Variants in FNDC1 observed in about 807,000 individuals in gnomAD.
The protein encoded by FNDC1 is fibronectin type III domain-containing protein 1.
A neutral mutation model predicts 168.0 loss-of-function variants in FNDC1; 96 were observed. The ratio of observed to expected loss-of-function variants is 0.57; its 90% CI spans 0.48 to 0.68. The LOEUF (loss-of-function observed/expected upper bound fraction) is 0.68. FNDC1 is among the 30% of genes least tolerant of loss of function. The pLI, the probability that FNDC1 is intolerant of heterozygous loss-of-function variation, is 0.00. For synonymous variants in FNDC1, 1,099 were observed against 1,025.9 expected (o/e 1.07, Z -1.36); for missense variants, 2,587 against 2,482.1 (o/e 1.04, Z -0.90).
At chr6:159,264,051 A>T (rs534134281) in intron 19 of FNDC1, among the ~76,000 whole-genome samples, 3 of 152,366 alleles carry the variant, frequency 2.0e-5, no homozygotes, top group East Asian at 1.9e-4. Flanking sequence ...TTGGGCTAAG[A>T]TAGAGACAGG....
chr6:159,263,765 A>C (rs187515785), intron 19 of FNDC1, among the ~76,000 whole-genome samples: 1 of 152,228 alleles, frequency 6.6e-6, no homozygotes, highest in African/African-American at 2.4e-5. Flanking sequence ...CCATCTAAAA[A>C]TAAAATAAGA....
At chr6:159,206,476 G>A (rs911906150) in intron 4 of FNDC1, among the ~76,000 whole-genome samples, 1 of 152,226 alleles carries the variant, frequency 6.6e-6, no homozygotes, top group African/African-American at 2.4e-5. Flanking sequence ...CACAGTGGGT[G>A]CTCAGGAGAC....
chr6:159,263,196 G>A (rs910881297), intron 19 of FNDC1, among the ~76,000 whole-genome samples: 2 of 152,192 alleles, frequency 1.3e-5, no homozygotes, highest in Non-Finnish European at 2.9e-5. Flanking sequence ...GGGGAGCAAA[G>A]CAAGCATTTG....
chr6:159,266,821 C>T (rs1330794546), intron 21 of FNDC1, among the ~76,000 whole-genome samples: 2 of 151,806 alleles, frequency 1.3e-5, no homozygotes, highest in South Asian at 2.1e-4. Flanking sequence ...GAACATATAT[C>T]AGCAGTAATA....
chr6:159,207,554 A>G (rs1359573203), intron 4 of FNDC1, among the ~76,000 whole-genome samples: 1 of 152,150 alleles, frequency 6.6e-6, no homozygotes, highest in Non-Finnish European at 1.5e-5. Flanking sequence ...GGTCTGTGAT[A>G]CCTCTGAGAG....
intron 1 of FNDC1, among the ~76,000 whole-genome samples, chr6:159,175,864 A>T (rs1258913539): frequency 3.3e-5 from 5 of 152,242 alleles, no homozygotes. Flanking sequence ...GGCTCCCGGA[A>T]GTGCTACCAC....
chr6:159,197,156 C>T (rs1782259978), intron 1 of FNDC1, among the ~76,000 whole-genome samples: 1 of 152,150 alleles, frequency 6.6e-6, no homozygotes, highest in South Asian at 2.1e-4. Flanking sequence ...TGTAATCAAG[C>T]CAGACAATGC....
chr6:159,233,282 C>T lies in FNDC1; in HGVS notation c.2770C>T (p.Pro924Ser), dbSNP rs751930512. Residue 924 changes from proline (P) to serine (S), a missense_variant, in exon 11 of 23, where the codon CCC becomes TCC. By Grantham distance (74) the Pro-to-Ser change is moderately conservative. Coordinates refer to ENST00000297267, the MANE Select transcript of FNDC1 (RefSeq NM_032532.3). The surrounding 1 kb of genome is among the most constrained non-coding windows in gnomAD (Gnocchi z 4.6). Reference sequence around the variant, plus strand: ...AGGGGCCAGCCTGCATCGGAAGGAACCCATCCCAGAGAACCCCAAATCCAC... The same window carrying T: ...AGGGGCCAGCCTGCATCGGAAGGAATCCATCCCAGAGAACCCCAAATCCAC... ...QRGASLHRKE[P>S]IPENPKSTGA... is the part of the protein sequence containing the mutation. 6.2e-7 allele frequency: 1 copy of T among 1,613,954 alleles called. No individual in the cohort carries two copies. The highest frequency in any genetic ancestry group is 8.5e-7 in the Non-Finnish European group (1 of 1,179,870).
intron 1 of FNDC1, among the ~76,000 whole-genome samples, chr6:159,174,250 C>T (rs781220232): frequency 3.9e-5 from 6 of 152,228 alleles, no homozygotes; most frequent in Non-Finnish European, 8.8e-5. Context: ...GTGGTGGATA[C>T]TGTTTCATCC....
intron 22 of FNDC1, among the ~76,000 whole-genome samples, chr6:159,269,511 C>CATCT (rs1554229951): frequency 0.11 from 10,867 of 102,880 alleles, 1,117 homozygotes; most frequent in Middle Eastern, 0.17. Flanking sequence ...TCCATCCATC[C>CATCT]ATGCATCCAT....
Position 159,239,824 on chromosome 6 carries a change from G to A in FNDC1, c.4488G>A (p.Arg1496=), listed in dbSNP as rs1438081984. Residue 1496 remains arginine (R), a synonymous_variant, in exon 14 of 23, where the codon CGG becomes CGA. Transcript: ENST00000297267. The stretch of plus-strand genomic sequence containing the variant: ...CAACCACAGTCCGAACCACTACGCG[G>A]ACAACCACCACCACCACCCCCACAC... The part of the protein sequence containing the change: ...RPTTTVRTTT[R]TTTTTTPTPT... 1.0e-5 allele frequency: 16 copies of A among 1,546,086 alleles called. No homozygotes were observed. The Admixed American group carries it at 2.9e-4, about 29-fold the overall frequency.
intron 10 of FNDC1, among the ~76,000 whole-genome samples, chr6:159,231,538 G>C (rs1351128499): frequency 6.6e-6 from 1 of 152,096 alleles, no homozygotes; most frequent in Non-Finnish European, 1.5e-5. Context: ...GTTTTATTAA[G>C]AAAATCCTAT....
intron 4 of FNDC1, among the ~76,000 whole-genome samples, chr6:159,200,841 C>T (rs1331578481): frequency 6.6e-6 from 1 of 152,160 alleles, no homozygotes; most frequent in Non-Finnish European, 1.5e-5. Context: ...ATATTGTTGC[C>T]CTCTTCATAG....
intron 22 of FNDC1, among the ~76,000 whole-genome samples, chr6:159,270,601 G>A (rs572653494): frequency 6.6e-6 from 1 of 152,194 alleles, no homozygotes; most frequent in South Asian, 2.1e-4. Flanking sequence ...AAAGTAAACA[G>A]GGCCAAGAGT....
intron 11 of FNDC1, among the ~76,000 whole-genome samples, chr6:159,235,762 C>T (rs759334273): frequency 2.6e-5 from 4 of 152,148 alleles, no homozygotes; most frequent in Admixed American, 1.3e-4. Flanking sequence ...TTATACTCGG[C>T]GATTGGTGAT....
intron 18 of FNDC1, among the ~76,000 whole-genome samples, chr6:159,258,575 C>G (rs1208758919): frequency 1.3e-5 from 2 of 152,190 alleles, no homozygotes; most frequent in Non-Finnish European, 1.5e-5. Flanking sequence ...GCGGGACAGA[C>G]AGTGCCAGGG....
intron 9 of FNDC1, 100 bp from the exon 10 acceptor site, chr6:159,229,715 A>G: frequency 9.8e-7 from 1 of 1,025,448 alleles, no homozygotes; most frequent in Admixed American, 2.4e-5. Context: ...TATTAATTTT[A>G]GTAATGCACG....
At chr6:159,265,087 T>G (rs1394218934) in intron 20 of FNDC1, 83 bp downstream of exon 20, 1 of 1,234,592 alleles carries the variant, frequency 8.1e-7, no homozygotes, top group Non-Finnish European at 1.2e-6. Flanking sequence ...TACTCACAAT[T>G]AGAAAGTCTG....
chr6:159,264,784 C>T (rs940281963), intron 19 of FNDC1, among the ~76,000 whole-genome samples, 191 bp from the exon 20 acceptor site: 1 of 152,178 alleles, frequency 6.6e-6, no homozygotes, highest in Non-Finnish European at 1.5e-5. Context: ...GCAACACACT[C>T]TAACTAGAAA....
Sources: gnomAD v4.1 joint callset for allele counts (sites outside exome capture counted in the v4.1 genomes callset) on GRCh38, gnomAD v4.1.1 for gene constraint, Gnocchi (gnomAD v3.1) non-coding constraint, MANE v1.5 for transcripts, NCBI Gene and HGNC (gene_info 2026-07-23, HGNC 2026-07-21) for gene names.